The following ACTR3C variants were observed in gnomAD, a reference collection of about 807,000 sequenced individuals.
The protein encoded by ACTR3C is actin-related protein 3C.
A neutral mutation model predicts 26.3 loss-of-function variants in ACTR3C; 18 were observed. That is an observed-to-expected ratio of 0.68 (90% CI 0.47 to 1.01). The LOEUF is 1.01. Ranked by LOEUF, ACTR3C falls within the 50% of genes least tolerant of loss-of-function variation. The probability of loss-of-function intolerance (pLI) is 0.00; values close to 1 mark genes in which losing one functional copy is unlikely to be tolerated. For synonymous variants in ACTR3C, 55 were observed against 94.5 expected (o/e 0.58, Z 2.42); for missense variants, 184 against 250.7 (o/e 0.73, Z 1.80).
At chr7:150,049,408 C>T in the ACTR3C span, among the ~76,000 whole-genome samples, 1 of 152,246 alleles carries the variant, frequency 6.6e-6, no homozygotes, top group African/African-American at 2.4e-5. Flanking sequence ...AGGGGGGAAC[C>T]TGTGAGACCC....
the ACTR3C span, among the ~76,000 whole-genome samples, chr7:149,970,654 A>G: frequency 4.6e-5 from 7 of 152,168 alleles, no homozygotes; most frequent in Admixed American, 1.3e-4. Flanking sequence ...TCATAGCCCT[A>G]TTTCACAATC....
chr7:150,146,009 A>G, the ACTR3C span, among the ~76,000 whole-genome samples: 1 of 151,728 alleles, frequency 6.6e-6, no homozygotes, highest in Non-Finnish European at 1.5e-5. Context: ...TTATGAAAAA[A>G]TATTCTTATT....
rs138088771 is a variant in ACTR3C at position 150,309,370 on chromosome 7, G to A, written c.-51-14023C>T. Reference sequence around the variant, plus strand: ...TTCTCAATATGTGTTTTATCACCCAGTCAGCTCCTGACATTAGAAAAAAGC... The same window carrying A: ...TTCTCAATATGTGTTTTATCACCCAATCAGCTCCTGACATTAGAAAAAAGC... On this transcript the variant is annotated intron_variant, in intron 1 of 7. Transcript: ENST00000683684. 4.1e-3 allele frequency among the ~76,000 whole-genome samples: 620 copies of A among 152,278 alleles called. 6 individuals carry two copies. Among genetic ancestry groups the A allele is most frequent in the African/African-American group, 0.014 (593 of 41,554 alleles).
At chr7:150,176,587 A>T in the ACTR3C span, among the ~76,000 whole-genome samples, 1 of 150,934 alleles carries the variant, frequency 6.6e-6, no homozygotes, top group African/African-American at 2.5e-5. Context: ...TGTTTCATGT[A>T]TATCATCAAA....
the ACTR3C span, among the ~76,000 whole-genome samples, chr7:150,152,445 T>C: frequency 0.014 from 2,139 of 152,354 alleles, 25 homozygotes; most frequent in South Asian, 0.023. Flanking sequence ...ATTACATTCA[T>C]TGATTTGCAT....
the ACTR3C span, among the ~76,000 whole-genome samples, chr7:149,887,303 CTT>C: frequency 3.3e-5 from 5 of 152,170 alleles, no homozygotes; most frequent in Admixed American, 2.6e-4. Flanking sequence ...ATGTAAAAGA[CTT>C]TTGAGCATGA....
chr7:150,227,688 G>GTGTTTTTTTTTTTTTTTTTTT, the ACTR3C span, among the ~76,000 whole-genome samples: 36 of 111,368 alleles, frequency 3.2e-4, no homozygotes, highest in East Asian at 2.2e-3. Flanking sequence ...TTGTGTCTGG[G>GTGTTTTTTTTTTTTTTTTTTT]TTTTTTTTTT....
At chr7:149,971,537 G>T in the ACTR3C span, among the ~76,000 whole-genome samples, 1 of 152,142 alleles carries the variant, frequency 6.6e-6, no homozygotes, top group African/African-American at 2.4e-5. Context: ...AAAGTAAAAG[G>T]AACATAATTT....
rs527258530 is a variant in ACTR3C, at chr7:150,310,784, C to T, written c.-52+12685G>A. Among the ~76,000 whole-genome samples the T allele has an allele frequency of 3.5e-3, 533 of 152,276 alleles. 3 individuals carry two copies. Among genetic ancestry groups the T allele is most frequent in the Non-Finnish European group, 4.5e-3 (303 of 68,016 alleles). On this transcript the variant is annotated intron_variant, in intron 1 of 7. Transcript: ENST00000683684. ...TGACTTTCTTTCTGCCCGTCTGCCT[C>T]CCAACTTATTCAATATGTTGATGAA...
the ACTR3C span, among the ~76,000 whole-genome samples, chr7:150,036,066 C>A: frequency 7.4e-5 from 7 of 94,020 alleles, no homozygotes; most frequent in East Asian, 5.4e-4. Flanking sequence ...TCAGTCCCCG[C>A]GTCGCGAGGG....
chr7:150,270,821 T>C (rs1248501489), intron 6 of ACTR3C, among the ~76,000 whole-genome samples: 26 of 151,928 alleles, frequency 1.7e-4, no homozygotes, highest in Non-Finnish European at 1.0e-4. Context: ...GCCCATCACA[T>C]GTCCCAAGAC....
At chr7:150,220,813 G>A in the ACTR3C span, among the ~76,000 whole-genome samples, 15 of 152,306 alleles carry the variant, frequency 9.8e-5, no homozygotes, top group Admixed American at 8.5e-4. Flanking sequence ...TCCGCTCCAG[G>A]GCGGATCTTT....
chr7:150,084,238 GA>G, the ACTR3C span, among the ~76,000 whole-genome samples: 82,308 of 147,918 alleles, frequency 0.56, 23,013 homozygotes, highest in East Asian at 0.76. Context: ...TGGCTTCTCT[GA>G]AAAAAAAAAA....
At chr7:150,050,315 G>C in the ACTR3C span, among the ~76,000 whole-genome samples, 1 of 152,112 alleles carries the variant, frequency 6.6e-6, no homozygotes, top group Non-Finnish European at 1.5e-5. Flanking sequence ...ATGCAGAATA[G>C]TTTATGTATC....
the ACTR3C span, among the ~76,000 whole-genome samples, chr7:150,238,175 G>A: frequency 7.0e-6 from 1 of 143,578 alleles, no homozygotes; most frequent in Non-Finnish European, 1.5e-5. Flanking sequence ...AACTAGAAGG[G>A]GCCTCAGATG....
At chr7:149,975,140 A>G in the ACTR3C span, among the ~76,000 whole-genome samples, 6 of 152,222 alleles carry the variant, frequency 3.9e-5, no homozygotes, top group Non-Finnish European at 7.3e-5. Flanking sequence ...ACTGTATGTG[A>G]GGTCACAAAA....
At chr7:150,313,742 A>G (rs1207875775) in intron 1 of ACTR3C, among the ~76,000 whole-genome samples, 1 of 152,148 alleles carries the variant, frequency 6.6e-6, no homozygotes, top group Non-Finnish European at 1.5e-5. Context: ...TTAGCTAGAA[A>G]GAGGGAGAGA....
intron 1 of ACTR3C, among the ~76,000 whole-genome samples, chr7:150,320,439 T>C (rs1027880406): frequency 1.3e-5 from 2 of 152,226 alleles, no homozygotes; most frequent in Non-Finnish European, 2.9e-5. Flanking sequence ...GACTATTATC[T>C]TTAGAGCAAA....
the ACTR3C span, among the ~76,000 whole-genome samples, chr7:150,015,933 AT>A: frequency 2.0e-5 from 3 of 152,186 alleles, no homozygotes; most frequent in Non-Finnish European, 2.9e-5. Flanking sequence ...CGCTAATAGG[AT>A]GATGTTATGT....
Sources: gnomAD v4.1 joint callset for allele counts (sites outside exome capture counted in the v4.1 genomes callset) on GRCh38, gnomAD v4.1.1 for gene constraint, MANE v1.5 for transcripts, NCBI Gene and HGNC (gene_info 2026-07-23, HGNC 2026-07-21) for gene names.